The following CPS1 variants were observed in gnomAD, a reference collection of about 807,000 sequenced individuals.
The protein encoded by CPS1 is carbamoyl-phosphate synthase 1, also known as carbamoyl-phosphate synthase [ammonia], mitochondrial.
A neutral mutation model predicts 174.6 loss-of-function variants in CPS1; 109 were observed. That is an observed-to-expected ratio of 0.62 (90% confidence interval 0.53 to 0.73). The LOEUF (loss-of-function observed/expected upper bound fraction) is 0.73. CPS1 is among the 30% of genes least tolerant of loss of function. CPS1 has a pLI of 0.00. For synonymous variants in CPS1, 637 were observed against 632.0 expected, an observed-to-expected ratio of 1.01 and a Z score of -0.12; for missense variants, 1,689 against 1,821.9, an observed-to-expected ratio of 0.93 and a Z score of 1.33.
chr2:210,541,626 C>T (rs550870556), intron 1 of CPS1, among the ~76,000 whole-genome samples: 2 of 152,168 alleles, frequency 1.3e-5, no homozygotes, highest in African/African-American at 4.8e-5. Context: ...CACATTAGTA[C>T]TATTAAGCCC....
At chr2:210,604,704 T>TAG (rs1698846267) in intron 16 of CPS1, among the ~76,000 whole-genome samples, 1 of 151,930 alleles carries the variant, frequency 6.6e-6, no homozygotes, top group African/African-American at 2.4e-5. Flanking sequence ...TCAGCTATTT[T>TAG]AGAGAGAGCC....
chr2:210,520,082 C>A (rs1695781904), intron 1 of CPS1, among the ~76,000 whole-genome samples: 1 of 151,896 alleles, frequency 6.6e-6, no homozygotes, highest in African/African-American at 2.4e-5. Context: ...CCAGTTCATC[C>A]TAAGATGGTG....
At chr2:210,480,836 G>A (rs780988033) in intron 1 of CPS1, among the ~76,000 whole-genome samples, 2 of 152,140 alleles carry the variant, frequency 1.3e-5, no homozygotes, top group Non-Finnish European at 2.9e-5. Flanking sequence ...TCACCACACT[G>A]CTGGTTTAAC....
Position 210,525,055 on chromosome 2 carries a change from G to A in CPS1, c.4-31664G>A, listed in dbSNP as rs148372684. On this transcript the variant is annotated intron_variant, in intron 1 of 38. Coordinates refer to the CPS1 transcript ENST00000430249. ...TATTGGAAGGGGATCCTCCTTTCCC[G>A]TAGTAATAAGAACTAAGGAGTCTCT... Among the ~76,000 whole-genome samples the A allele has an allele frequency of 4.6e-3, 696 of 151,844 alleles. 4 individuals carry two copies. Among genetic ancestry groups the A allele is most frequent in the Middle Eastern group, 0.01 (3 of 294 alleles).
rs182928764 is a variant in CPS1, at chr2:210,519,220, G to C, written c.4-37499G>C. 6.6e-5 allele frequency among the ~76,000 whole-genome samples: 10 copies of C among 152,024 alleles called. No homozygotes were observed. The East Asian group carries it at 1.9e-3, about 30-fold the overall frequency. On this transcript the variant is annotated intron_variant, in intron 1 of 38. Transcript: ENST00000430249. ...ATTTAATACTTTAATTCAACTTCTG[G>C]AGAACTGATTGCATTTTGCCCAAGG...
intron 33 of CPS1, among the ~76,000 whole-genome samples, chr2:210,665,277 G>T (rs1701055139): frequency 6.6e-6 from 1 of 151,444 alleles, no homozygotes; most frequent in Non-Finnish European, 1.5e-5. Flanking sequence ...ATTGTAATTT[G>T]CTTAAGAAAT....
At chr2:210,508,316 T>G (rs1461667980) in intron 1 of CPS1, among the ~76,000 whole-genome samples, 4 of 151,926 alleles carry the variant, frequency 2.6e-5, no homozygotes, top group Non-Finnish European at 4.4e-5. Context: ...AATAAAGATG[T>G]TCTTTGAAAC....
upstream of CPS1, among the ~76,000 whole-genome samples, chr2:210,554,507 C>T (rs979790165): frequency 6.6e-6 from 1 of 151,744 alleles, no homozygotes; most frequent in African/African-American, 2.4e-5. Context: ...TGGTCAAGCT[C>T]TGGACTCCTC....
At chr2:210,507,693 C>T (rs1399759742) in intron 1 of CPS1, among the ~76,000 whole-genome samples, 5 of 151,030 alleles carry the variant, frequency 3.3e-5, no homozygotes, top group Non-Finnish European at 7.4e-5. Flanking sequence ...ATCTACCAAG[C>T]AAATGGAAAA....
At chr2:210,494,469 G>A (rs1300045130) in intron 1 of CPS1, among the ~76,000 whole-genome samples, 2 of 152,084 alleles carry the variant, frequency 1.3e-5, no homozygotes, top group East Asian at 3.9e-4. Context: ...GAAGATAACA[G>A]CAATCAAAGT....
intron 1 of CPS1, among the ~76,000 whole-genome samples, chr2:210,560,969 T>C (rs1697079336): frequency 6.6e-6 from 1 of 152,190 alleles, no homozygotes; most frequent in Admixed American, 6.5e-5. Flanking sequence ...CAGTCCCAAA[T>C]GAGCTGTTGC....
intron 25 of CPS1, among the ~76,000 whole-genome samples, chr2:210,642,975 C>G (rs532037446): frequency 8.5e-5 from 13 of 152,308 alleles, no homozygotes; most frequent in Non-Finnish European, 1.3e-4. Flanking sequence ...TTAACTAATA[C>G]AAGATGATCC....
intron 1 of CPS1, among the ~76,000 whole-genome samples, chr2:210,569,950 A>G (rs1394501074): frequency 1.1e-4 from 16 of 152,006 alleles, no homozygotes; most frequent in Non-Finnish European, 1.5e-5. Context: ...ACGAGGACTG[A>G]GGATACTAAA....
chr2:210,652,357 A>G (rs906241602), intron 28 of CPS1, among the ~76,000 whole-genome samples: 1 of 152,230 alleles, frequency 6.6e-6, no homozygotes, highest in Non-Finnish European at 1.5e-5. Flanking sequence ...TGTAGTACAC[A>G]GAGTGAATTA....
At chr2:210,654,911 CA>C (rs887337738) in intron 29 of CPS1, among the ~76,000 whole-genome samples, 1 of 152,168 alleles carries the variant, frequency 6.6e-6, no homozygotes, top group African/African-American at 2.4e-5. Context: ...AACAGAATCA[CA>C]TAATCTTGAG....
chr2:210,574,839 G>A (rs917828029), intron 2 of CPS1, among the ~76,000 whole-genome samples: 1 of 149,728 alleles, frequency 6.7e-6, no homozygotes, highest in Non-Finnish European at 1.5e-5. Flanking sequence ...TTTATGGAAA[G>A]AAAGAAGAAA....
intron 1 of CPS1, among the ~76,000 whole-genome samples, chr2:210,509,218 G>T (rs546915179): frequency 8.5e-5 from 13 of 152,286 alleles, no homozygotes; most frequent in Admixed American, 3.3e-4. Context: ...ATGCAAGGCT[G>T]GTTCAACATA....
upstream of CPS1, among the ~76,000 whole-genome samples, chr2:210,553,360 A>G (rs916377091): frequency 1.3e-5 from 2 of 152,014 alleles, no homozygotes; most frequent in African/African-American, 4.8e-5. Flanking sequence ...AGTACTTGAC[A>G]TTTTAACATT....
intron 1 of CPS1, among the ~76,000 whole-genome samples, chr2:210,486,099 TATATACACACACACATAC>T (rs1180525005): frequency 8.1e-6 from 1 of 124,222 alleles, no homozygotes; most frequent in African/African-American, 3.0e-5. Context: ...TATACATATA[TATATACACACACACATAC>T]ACACACACAC....
Sources: allele counts gnomAD v4.1 joint callset (sites outside exome capture counted in the v4.1 genomes callset), GRCh38; gene constraint gnomAD v4.1.1; transcripts MANE v1.5; gene names NCBI Gene and HGNC (gene_info 2026-07-23, HGNC 2026-07-21).